The following CBR4 variants were observed in gnomAD, a reference collection of about 807,000 sequenced individuals.
The protein encoded by CBR4 is carbonyl reductase 4.
A neutral mutation model predicts 21.0 loss-of-function variants in CBR4; 22 were observed. That is an observed-to-expected ratio of 1.05 (90% CI 0.75 to 1.50). The LOEUF (loss-of-function observed/expected upper bound fraction) is 1.50. Ranked by LOEUF, CBR4 falls within the 40% of genes most tolerant of loss-of-function variation. CBR4 has a pLI of 0.00. For missense variants in CBR4, 302 were observed against 286.3 expected, an observed-to-expected ratio of 1.05 and a Z score of -0.40; for synonymous variants, 100 against 104.4, an observed-to-expected ratio of 0.96 and a Z score of 0.26.
intron 4 of CBR4, among the ~76,000 whole-genome samples, chr4:168,995,202 A>C (rs193221282): frequency 6.6e-6 from 1 of 152,200 alleles, no homozygotes; most frequent in Admixed American, 6.5e-5. Context: ...AGGTACATAG[A>C]GGTTAGAATA....
rs114671938 is a variant in CBR4 at position 168,974,741 on chromosome 4, A to C, written n.169+27330T>G. Among the ~76,000 whole-genome samples, 1,218 of 152,230 alleles carry C rather than the reference A, an allele frequency of 8.0e-3. 12 individuals carry two copies. Among genetic ancestry groups the C allele is most frequent in the African/African-American group, 0.028 (1,169 of 41,556 alleles). On this transcript the variant is annotated intron_variant and non_coding_transcript_variant, in intron 2 of 3. Coordinates refer to the CBR4 transcript ENST00000509108. ...TAGCATTTCACTAAGTGTCTGTTTC[A>C]TTTCCAGATTATGATTGTCTTTTCT...
chr4:168,927,661 CTT>C (rs1762729731), intron 2 of CBR4: 1 of 226,266 alleles, frequency 4.4e-6, no homozygotes, highest in Non-Finnish European at 8.8e-6. Context: ...TGCCATGAAA[CTT>C]TGCCTTAAGA....
Position 168,934,157 on chromosome 4 carries a change from G to A in CBR4, n.170-39392C>T, listed in dbSNP as rs192831816. On this transcript the variant is annotated intron_variant and non_coding_transcript_variant, in intron 2 of 3. Transcript: ENST00000509108. ...ATAGCCCCAGCCACTCAGAAGGCTC[G>A]GGCCAGGTTGCTTTGAGGCCAGGAA... 2.6e-4 allele frequency among the ~76,000 whole-genome samples: 39 copies of A among 151,212 alleles called. No homozygotes were observed. In the East Asian group the frequency reaches 6.0e-3, roughly 23 times the overall value.
intron 2 of CBR4, among the ~76,000 whole-genome samples, chr4:168,952,802 C>T (rs1304438294): frequency 2.0e-5 from 3 of 152,194 alleles, no homozygotes; most frequent in Non-Finnish European, 4.4e-5. Context: ...ATACCAGCAC[C>T]TGTTCCGGTA....
At position 168,989,600 on chromosome 4, in the gene CBR4, ACT is replaced by A; in HGVS notation, c.*548_*549del. 1 of 985,272 alleles carries A rather than the reference ACT, an allele frequency of 1.0e-6. No individual in the cohort carries two copies. The highest frequency in any genetic ancestry group is 1.2e-6 in the Non-Finnish European group (1 of 829,858). 61.0% of individuals were successfully genotyped at this position (985,272 alleles called of 1,614,324 possible). ...GACAACTAATCAGTGTCCTCTAAAT[ACT>A]CTTATTTTGGCAACAGCCCACAAGG... On this transcript the variant is annotated 3_prime_UTR_variant, in exon 5 of 5. Transcript: ENST00000306193.
chr4:168,918,338 A>ATATATT (rs1488154246), intron 2 of CBR4, among the ~76,000 whole-genome samples: 14 of 151,492 alleles, frequency 9.2e-5, no homozygotes, highest in African/African-American at 3.4e-4. Context: ...ATATATATAT[A>ATATATT]TACATACATA....
chr4:168,994,550 G>C (rs546879987), intron 4 of CBR4, among the ~76,000 whole-genome samples: 4 of 152,108 alleles, frequency 2.6e-5, no homozygotes, highest in Non-Finnish European at 5.9e-5. Context: ...GAAAATGACA[G>C]ATCTCTGAGG....
intron 2 of CBR4, among the ~76,000 whole-genome samples, chr4:168,895,818 C>A (rs1755002973): frequency 6.6e-6 from 1 of 152,198 alleles, no homozygotes; most frequent in Non-Finnish European, 1.5e-5. Flanking sequence ...AAAATATTAT[C>A]TCTTTATCTT....
chr4:168,910,393 G>A (rs1455229124), intron 2 of CBR4, among the ~76,000 whole-genome samples: 1 of 152,018 alleles, frequency 6.6e-6, no homozygotes, highest in Non-Finnish European at 1.5e-5. Flanking sequence ...ACCAGCAGAA[G>A]TTAAAAAGGT....
At chr4:168,925,424 T>C in intron 2 of CBR4, 1 of 714,650 alleles carries the variant, frequency 1.4e-6, no homozygotes, top group Non-Finnish European at 2.6e-6. Flanking sequence ...ATGTTCTTGT[T>C]ACTGTGTTCT....
chr4:168,904,065 A>G, intron 2 of CBR4: 2 of 704,200 alleles, frequency 2.8e-6, no homozygotes, highest in African/African-American at 1.8e-5. Context: ...GAGGATAGAA[A>G]AATTCTTTGT....
At chr4:168,896,671 C>T (rs554103242) in intron 2 of CBR4, 33 of 833,364 alleles carry the variant, frequency 4.0e-5, no homozygotes, top group Middle Eastern at 2.2e-4. Flanking sequence ...TCCTGTTTTA[C>T]GTGTGTTTCT....
chr4:168,987,255 G>A (rs1764721962), downstream of CBR4, among the ~76,000 whole-genome samples: 1 of 152,178 alleles, frequency 6.6e-6, no homozygotes, highest in African/African-American at 2.4e-5. Flanking sequence ...CGCATAAAAA[G>A]CCAAAGGAAT....
chr4:168,989,890 G>A lies in CBR4; in HGVS notation c.*260C>T, dbSNP rs149473302. 9.8e-4 allele frequency: 1,083 copies of A among 1,102,078 alleles called. 14 individuals are homozygous for A. In the African/African-American group the frequency reaches 0.016, roughly 16 times the overall value. The allele number at this position is 1,102,078 out of a possible 1,614,324, so 68.3% of individuals were successfully genotyped here. On this transcript the variant is annotated 3_prime_UTR_variant, in exon 5 of 5. Transcript: ENST00000306193. Reference sequence around the variant, plus strand: ...CCACTGAATTGTGTATTTTAAATGTGTGATTATATGGTATGTGAATTGTAT... The same window carrying A: ...CCACTGAATTGTGTATTTTAAATGTATGATTATATGGTATGTGAATTGTAT...
intron 2 of CBR4, among the ~76,000 whole-genome samples, chr4:168,907,119 A>T (rs1362439718): frequency 6.6e-6 from 1 of 151,808 alleles, no homozygotes; most frequent in Non-Finnish European, 1.5e-5. Flanking sequence ...TAAAATGAGG[A>T]TGATAATAAT....
At chr4:168,901,545 CTTCT>C (rs1756514661) in intron 2 of CBR4, among the ~76,000 whole-genome samples, 1 of 152,166 alleles carries the variant, frequency 6.6e-6, no homozygotes, top group African/African-American at 2.4e-5. Context: ...CTTATTACAG[CTTCT>C]TTTTTCCATC....
At chr4:168,895,613 G>A (rs904670188) in intron 2 of CBR4, among the ~76,000 whole-genome samples, 2 of 152,166 alleles carry the variant, frequency 1.3e-5, no homozygotes, top group Admixed American at 6.6e-5. Flanking sequence ...GTGGAAGTGG[G>A]TCATCATAAA....
downstream of CBR4, among the ~76,000 whole-genome samples, chr4:168,985,449 A>C (rs1002528726): frequency 6.6e-6 from 1 of 152,240 alleles, no homozygotes; most frequent in Admixed American, 6.5e-5. Flanking sequence ...TGGAATATAA[A>C]TTAGTTCAGC....
intron 2 of CBR4, among the ~76,000 whole-genome samples, chr4:168,934,315 C>A (rs1398634676): frequency 1.3e-4 from 11 of 82,208 alleles, no homozygotes; most frequent in East Asian, 3.5e-4. Flanking sequence ...GCAAGCCAAA[C>A]CCAAAATTAG....
Sources: gnomAD v4.1 joint callset for allele counts (sites outside exome capture counted in the v4.1 genomes callset) on GRCh38, gnomAD v4.1.1 for gene constraint, MANE v1.5 for transcripts, NCBI Gene and HGNC (gene_info 2026-07-23, HGNC 2026-07-21) for gene names.